The following UGT2B4 variants were observed in gnomAD, a reference collection of about 807,000 sequenced individuals.
The protein encoded by UGT2B4 is UDP glucuronosyltransferase family 2 member B4, also known as UDP-glucuronosyltransferase 2B4.
In UGT2B4, 49 loss-of-function variants were observed where a neutral mutation model predicts 49.8. The ratio of observed to expected loss-of-function variants is 0.98; its 90% CI spans 0.78 to 1.25. The LOEUF is 1.25. Among genes scored for constraint, UGT2B4 ranks in the 50% most tolerant of loss-of-function variants. UGT2B4 has a pLI of 0.00. For synonymous variants in UGT2B4, 246 were observed against 217.7 expected (o/e 1.13, Z -1.14); for missense variants, 729 against 627.7 (o/e 1.16, Z -1.73).
chr4:69,493,040 T>A (rs1728038211), intron 2 of UGT2B4, among the ~76,000 whole-genome samples: 1 of 152,166 alleles, frequency 6.6e-6, no homozygotes, highest in Admixed American at 6.6e-5. Context: ...ATCTGGCTCT[T>A]ATCTTGCCTA....
At chr4:69,501,435 C>T (rs1728316297) in intron 1 of UGT2B4, among the ~76,000 whole-genome samples, 1 of 152,130 alleles carries the variant, frequency 6.6e-6, no homozygotes, top group South Asian at 2.1e-4. Flanking sequence ...TGGGAGAGGG[C>T]TCGCAAGAGG....
upstream of UGT2B4, among the ~76,000 whole-genome samples, chr4:69,500,610 A>AAAGCAAGAAAGCAAGAAAGC (rs1265749209): frequency 8.9e-3 from 681 of 76,830 alleles, 14 homozygotes; most frequent in East Asian, 0.011. Flanking sequence ...AGCAAGGAAG[A>AAAGCAAGAAAGCAAGAAAGC]AAGAAAGAAA....
intron 3 of UGT2B4, among the ~76,000 whole-genome samples, chr4:69,487,573 C>A (rs1727830810): frequency 2.0e-5 from 3 of 151,832 alleles, no homozygotes; most frequent in African/African-American, 7.3e-5. Context: ...AGAGGAATAA[C>A]ATACACTGGG....
chr4:69,504,583 CA>C (rs1728423683), intron 1 of UGT2B4, among the ~76,000 whole-genome samples: 2 of 151,914 alleles, frequency 1.3e-5, no homozygotes, highest in African/African-American at 2.4e-5. Flanking sequence ...ATGAAACCTC[CA>C]AAAAATATGA....
At chr4:69,485,639 C>T (rs1374173748) in intron 4 of UGT2B4, among the ~76,000 whole-genome samples, 1 of 151,982 alleles carries the variant, frequency 6.6e-6, no homozygotes, top group Non-Finnish European at 1.5e-5. Flanking sequence ...AAAATTAATA[C>T]AAGATTACCA....
intron 1 of UGT2B4, among the ~76,000 whole-genome samples, chr4:69,494,398 T>C (rs41299990): frequency 0.01 from 1,596 of 152,284 alleles, 25 homozygotes; most frequent in African/African-American, 0.036. Flanking sequence ...TAAATATGTT[T>C]GCAAATTACA....
At chr4:69,511,245 T>C (rs56075349) in intron 1 of UGT2B4, among the ~76,000 whole-genome samples, 53,327 of 151,762 alleles carry the variant, frequency 0.35, 9,457 homozygotes, top group Non-Finnish European at 0.37. Context: ...CCGTCTAGGC[T>C]TCTCAAAGTG....
chr4:69,481,744 G>C (rs568325588), intron 5 of UGT2B4, among the ~76,000 whole-genome samples: 2 of 152,110 alleles, frequency 1.3e-5, no homozygotes, highest in Admixed American at 1.3e-4. Context: ...AGTGGTAAAA[G>C]ATATACACCT....
At chr4:69,511,358 C>G (rs554574186) in intron 1 of UGT2B4, among the ~76,000 whole-genome samples, 1 of 152,018 alleles carries the variant, frequency 6.6e-6, no homozygotes, top group South Asian at 2.1e-4. Context: ...CTTTTTTATT[C>G]ATAAACTATT....
intron 5 of UGT2B4, among the ~76,000 whole-genome samples, chr4:69,481,842 C>T (rs1330852074): frequency 6.6e-6 from 1 of 152,182 alleles, no homozygotes; most frequent in African/African-American, 2.4e-5. Flanking sequence ...ACATGCTCTG[C>T]TTCTATTCTA....
At chr4:69,500,606 G>GCAAGAAAGCAAGAAGA (rs1553896493), upstream of UGT2B4, among the ~76,000 whole-genome samples, 212 of 99,592 alleles carry the variant, frequency 2.1e-3, 3 homozygotes, top group Admixed American at 4.5e-3. Flanking sequence ...AGAAAGCAAG[G>GCAAGAAAGCAAGAAGA]AAGAAAGAAA....
chr4:69,486,848 T>A (rs970209985), intron 3 of UGT2B4, 152 bp from the exon 4 acceptor site: 1 of 479,274 alleles, frequency 2.1e-6, no homozygotes, highest in Non-Finnish European at 3.6e-6. Context: ...CATATTTCAT[T>A]TCCTTAATTT....
Position 69,485,255 on chromosome 4 carries a change from C to T in UGT2B4, c.1263G>A (p.Ser421=), listed in dbSNP as rs201500719. The T allele has an allele frequency of 6.2e-6, 10 of 1,613,698 alleles. No individual in the cohort carries two copies. The highest frequency in any genetic ancestry group is 7.6e-6 in the Non-Finnish European group (9 of 1,179,932). The change falls in exon 5 of 6, where the codon TCG becomes TCA. Residue 421 remains serine (S), a synonymous_variant. Transcript: ENST00000305107. ...AAVSLDFHTM[S]STDLLNALKT... is the part of the protein sequence containing the mutation. ...TCAGTGCATTGAGTAAGTCTGTACT[C>T]GACATTGTGTGGAAGTCCAAACTAA...
At chr4:69,497,328 C>T (rs1728194850), upstream of UGT2B4, among the ~76,000 whole-genome samples, 1 of 152,192 alleles carries the variant, frequency 6.6e-6, no homozygotes, top group Non-Finnish European at 1.5e-5. Flanking sequence ...ATTTTTCAGT[C>T]CATCACCCTC....
chr4:69,498,038 G>A (rs1440207350), upstream of UGT2B4, among the ~76,000 whole-genome samples: 1 of 152,192 alleles, frequency 6.6e-6, no homozygotes, highest in African/African-American at 2.4e-5. Context: ...ACTGAAGGCT[G>A]AGATGAGTGT....
chr4:69,485,195 A>C lies in UGT2B4; in HGVS notation c.1310+13T>G. The C allele has an allele frequency of 6.2e-7, 1 of 1,613,796 alleles. No homozygotes were observed. The highest frequency in any genetic ancestry group is 8.5e-7 in the Non-Finnish European group (1 of 1,179,772). On this transcript the variant is annotated intron_variant, in intron 5 of 5. Coordinates refer to ENST00000305107, the MANE Select transcript of UGT2B4 (RefSeq NM_021139.3). ...CTATAAAGACCACCGAGTAAAAAAA[A>C]AGTTATACTCACAAAGGATCATTAA...
upstream of UGT2B4, among the ~76,000 whole-genome samples, chr4:69,497,881 G>T (rs1019201485): frequency 1.3e-5 from 2 of 152,216 alleles, no homozygotes; most frequent in Non-Finnish European, 1.5e-5. Flanking sequence ...GTGAAAAGAA[G>T]GGTTAGTGGA....
At position 69,480,485 on chromosome 4, in the gene UGT2B4, A is replaced by G. The variant is rs966353707; in HGVS notation, c.*149T>C. The G allele has an allele frequency of 7.9e-6, 10 of 1,261,976 alleles. No individual in the cohort carries two copies. The highest frequency in any genetic ancestry group is 8.6e-6 in the Non-Finnish European group (8 of 925,096). The allele number at this position is 1,261,976 out of a possible 1,614,324, so 78.2% of individuals were successfully genotyped here. On this transcript the variant is annotated 3_prime_UTR_variant, in exon 6 of 6. Transcript: ENST00000305107. The stretch of plus-strand genomic sequence containing the variant: ...AAATATTTCTAATGGTTAAACAGGT[A>G]CTAAAACAAATTTTGACTTGACAAG...
At chr4:69,505,151 A>G (rs1203666951) in intron 1 of UGT2B4, among the ~76,000 whole-genome samples, 1 of 152,206 alleles carries the variant, frequency 6.6e-6, no homozygotes, top group African/African-American at 2.4e-5. Flanking sequence ...GACACTATAA[A>G]TCAACCACAT....
Sources: gnomAD v4.1 joint callset for allele counts (sites outside exome capture counted in the v4.1 genomes callset) on GRCh38, gnomAD v4.1.1 for gene constraint, MANE v1.5 for transcripts, NCBI Gene and HGNC (gene_info 2026-07-23, HGNC 2026-07-21) for gene names.